Variants in CEP192 observed in about 807,000 individuals in gnomAD.
CEP192 encodes the protein centrosomal protein of 192 kDa.
In CEP192, 151 loss-of-function variants were observed where a neutral mutation model predicts 271.8. That is an observed-to-expected ratio of 0.56 (90% confidence interval 0.49 to 0.64). The LOEUF is 0.64. Among genes scored for constraint, CEP192 ranks in the 30% least tolerant of loss-of-function variants. The pLI is 0.00. For missense variants in CEP192, 2,910 were observed against 3,020.5 expected (o/e 0.96, Z 0.86); for synonymous variants, 995 against 1,076.5 (o/e 0.92, Z 1.48).
chr18:13,095,157 C>G (rs931161560), intron 34 of CEP192, among the ~76,000 whole-genome samples: 1 of 152,160 alleles, frequency 6.6e-6, no homozygotes, highest in African/African-American at 2.4e-5. Context: ...GCCACCACTC[C>G]CAGCTAATTT....
At chr18:12,999,116 A>T (rs954016277) in intron 1 of CEP192, among the ~76,000 whole-genome samples, 1 of 152,152 alleles carries the variant, frequency 6.6e-6, no homozygotes, top group Non-Finnish European at 1.5e-5. Context: ...TTTACTAGAT[A>T]AGTTTGTAGT....
At chr18:13,007,611 C>G (rs1401960694) in intron 3 of CEP192, among the ~76,000 whole-genome samples, 1 of 152,136 alleles carries the variant, frequency 6.6e-6, no homozygotes, top group East Asian at 1.9e-4. Flanking sequence ...CCTTTCCTTT[C>G]CTGTACTCAA....
intron 9 of CEP192, 24 bp from the exon 10 acceptor site, chr18:13,029,639 A>G (rs923077121): frequency 1.4e-6 from 2 of 1,417,266 alleles, no homozygotes; most frequent in African/African-American, 2.9e-5. Context: ...GCTCTGTTAA[A>G]AAATCTGATT....
chr18:13,048,014 A>T (rs2036574307), intron 15 of CEP192, among the ~76,000 whole-genome samples: 1 of 152,128 alleles, frequency 6.6e-6, no homozygotes, highest in African/African-American at 2.4e-5. Flanking sequence ...TGTCTTTTTC[A>T]TTAGGATATT....
intron 3 of CEP192, among the ~76,000 whole-genome samples, chr18:13,006,964 G>C (rs1428137850): frequency 6.6e-6 from 1 of 152,114 alleles, no homozygotes; most frequent in Admixed American, 6.5e-5. Context: ...AGAAGGGTGG[G>C]TGCTCCTGCC....
rs781737824 is a variant in CEP192 at position 13,067,852 on chromosome 18, G to A, written c.4510G>A (p.Val1504Ile). The A allele has an allele frequency of 6.8e-5, 109 of 1,610,372 alleles. No homozygotes were observed. Among genetic ancestry groups the A allele is most frequent in the South Asian group, 2.9e-4 (26 of 90,808 alleles). Residue 1504 changes from valine to isoleucine, a missense_variant, in exon 22 of 45, where the codon GTT becomes ATT. By Grantham distance (29) the Val-to-Ile change is conservative. Transcript: ENST00000506447. ...TTAGGTAGAAACAGAAAAGAAAGACGTTCTTGATTTTGGTGACTTGACTTA... is the reference window on the plus strand; with the variant it reads ...TTAGGTAGAAACAGAAAAGAAAGACATTCTTGATTTTGGTGACTTGACTTA... ...VIEVETEKKDVLDFGDLTYGG... is the reference protein window; with the variant it reads ...VIEVETEKKDILDFGDLTYGG...
rs1598505101 is a variant in CEP192 at position 13,069,676 on chromosome 18, A to T, written c.5056-62A>T. On this transcript the variant is annotated intron_variant, in intron 26 of 44. Transcript: ENST00000506447. The stretch of plus-strand genomic sequence containing the variant: ...GAGAAACGCACGTAAGGCAGGAGCC[A>T]CTGAGCGAAAACTGCGTTTTTGTAA... The T allele has an allele frequency of 3.3e-6, 3 of 901,788 alleles. No individual in the cohort carries two copies. In the East Asian group the frequency reaches 7.3e-5, roughly 22 times the overall value. The allele number at this position is 901,788 out of a possible 1,614,324, so 55.9% of individuals were successfully genotyped here.
At chr18:13,028,783 G>A (rs1305914391) in intron 9 of CEP192, among the ~76,000 whole-genome samples, 1 of 152,202 alleles carries the variant, frequency 6.6e-6, no homozygotes, top group Non-Finnish European at 1.5e-5. Context: ...GCCTCCCAAA[G>A]TGCTGGGATT....
intron 9 of CEP192, among the ~76,000 whole-genome samples, chr18:13,019,879 C>A (rs1024743753): frequency 2.7e-5 from 4 of 150,776 alleles, no homozygotes; most frequent in Non-Finnish European, 5.9e-5. Context: ...GTGGCGTGAT[C>A]TCAGCTCACT....
At position 13,041,800 on chromosome 18, in the gene CEP192, A is replaced by C. The variant is rs567722100; in HGVS notation, c.1937-404A>C. Among the ~76,000 whole-genome samples the C allele has an allele frequency of 1.6e-4, 25 of 152,244 alleles. No individual in the cohort carries two copies. The South Asian group carries it at 5.2e-3, about 32-fold the overall frequency. ...AGGCTGGTCTCAAACTCCTGACCTC[A>C]AGTGATCCGCCCACCTCAGACTCCC... is the stretch of plus-strand genomic sequence containing the variant. On this transcript the variant is annotated intron_variant, in intron 14 of 44. Coordinates refer to ENST00000506447, the MANE Select transcript of CEP192 (RefSeq NM_032142.4).
At chr18:13,025,497 G>A (rs182567853) in intron 9 of CEP192, among the ~76,000 whole-genome samples, 2 of 152,228 alleles carry the variant, frequency 1.3e-5, no homozygotes, top group African/African-American at 4.8e-5. Context: ...GATTACAGGG[G>A]CCAGCCACTG....
At chr18:13,007,848 T>C (rs959758735) in intron 3 of CEP192, among the ~76,000 whole-genome samples, 11 of 152,244 alleles carry the variant, frequency 7.2e-5, no homozygotes, top group Non-Finnish European at 1.5e-4. Context: ...CAGTTTGTCA[T>C]GTAATGAATT....
In CEP192 at chr18:13,001,439, CAA is replaced by C. The variant is rs984734003; in HGVS notation, c.165-16_165-15del. ...GTAATTTAATTCTTAACAATTAAAA[CAA>C]ATTTTTTTTGTATAGGTATCCTGAT... On this transcript the variant is annotated splice_polypyrimidine_tract_variant and intron_variant, in intron 2 of 44. Coordinates refer to ENST00000506447, the MANE Select transcript of CEP192 (RefSeq NM_032142.4). The C allele has an allele frequency of 2.6e-5, 39 of 1,512,658 alleles. No individual in the cohort carries two copies. The highest frequency in any genetic ancestry group is 3.1e-5 in the Non-Finnish European group (35 of 1,120,060). 93.7% of individuals were successfully genotyped at this position (1,512,658 alleles called of 1,614,324 possible).
chr18:13,109,628 T>A lies in CEP192; in HGVS notation c.7048-3958T>A, dbSNP rs569085154. Among the ~76,000 whole-genome samples, 4 of 151,618 alleles carry A rather than the reference T, an allele frequency of 2.6e-5. No homozygotes were observed. In the South Asian group the frequency reaches 8.3e-4, roughly 32 times the overall value. On this transcript the variant is annotated intron_variant, in intron 40 of 44. Transcript: ENST00000506447. The stretch of plus-strand genomic sequence containing the variant: ...ACATCTATTTTAAAAAGAAAAAAAA[T>A]TGAAATTAATGAGCTAAGCAGTCAT...
At chr18:12,997,280 G>A (rs551204513) in intron 1 of CEP192, among the ~76,000 whole-genome samples, 12 of 152,166 alleles carry the variant, frequency 7.9e-5, no homozygotes, top group Middle Eastern at 3.4e-3. Context: ...CGGCCCAGTC[G>A]GATTAACATC....
chr18:13,047,004 T>G (rs1402132318), intron 15 of CEP192, among the ~76,000 whole-genome samples: 1 of 152,172 alleles, frequency 6.6e-6, no homozygotes, highest in Non-Finnish European at 1.5e-5. Flanking sequence ...TTTTAAAAGT[T>G]GGCTGTCAGT....
chr18:13,003,616 G>T (rs139513506), intron 3 of CEP192, among the ~76,000 whole-genome samples: 91 of 152,214 alleles, frequency 6.0e-4, no homozygotes, highest in African/African-American at 2.2e-3. Context: ...AGGGAGGCTG[G>T]GGAGGTGGTG....
intron 7 of CEP192, among the ~76,000 whole-genome samples, chr18:13,017,885 C>G (rs2034750441): frequency 6.6e-6 from 1 of 152,102 alleles, no homozygotes; most frequent in African/African-American, 2.4e-5. Context: ...TGTCCTGTCT[C>G]TTTATTCTCT....
At chr18:12,991,618 G>T (rs72636759) in intron 1 of CEP192, among the ~76,000 whole-genome samples, 181 bp downstream of exon 1, 15,841 of 152,360 alleles carry the variant, frequency 0.1, 983 homozygotes, top group East Asian at 0.27. Context: ...GCGCCTCTGC[G>T]CCTGGCGCAG....
Sources: gnomAD v4.1 joint callset for allele counts (sites outside exome capture counted in the v4.1 genomes callset) on GRCh38, gnomAD v4.1.1 for gene constraint, MANE v1.5 for transcripts, NCBI Gene and HGNC (gene_info 2026-07-23, HGNC 2026-07-21) for gene names.